The following PCGF3 variants were observed in gnomAD, a reference collection of about 807,000 sequenced individuals.
PCGF3 encodes the protein polycomb group ring finger 3.
PCGF3 carries 7 observed loss-of-function variants against 33.1 expected under a neutral mutation model. The ratio of observed to expected loss-of-function variants is 0.21; its 90% CI spans 0.12 to 0.40. The LOEUF is 0.40. Ranked by LOEUF, PCGF3 falls within the 10% of genes least tolerant of loss-of-function variation. The pLI, the probability that PCGF3 is intolerant of heterozygous loss-of-function variation, is 1.00. For missense variants in PCGF3, 211 were observed against 313.3 expected, an observed-to-expected ratio of 0.67 and a Z score of 2.46; for synonymous variants, 153 against 121.3, an observed-to-expected ratio of 1.26 and a Z score of -1.72.
intron 9 of PCGF3, chr4:761,958 C>T: frequency 1.0e-6 from 1 of 985,200 alleles, no homozygotes; most frequent in Non-Finnish European, 1.2e-6. Context: ...GAGCATGGGT[C>T]TGGTGTCGTT....
chr4:754,739 C>T (rs1252580389), intron 8 of PCGF3, among the ~76,000 whole-genome samples: 2 of 152,114 alleles, frequency 1.3e-5, no homozygotes, highest in Non-Finnish European at 1.5e-5. Flanking sequence ...TGGGATGCAG[C>T]CTGGCGTGGC....
At chr4:740,969 G>C (rs1744064664) in intron 6 of PCGF3, among the ~76,000 whole-genome samples, 1 of 152,238 alleles carries the variant, frequency 6.6e-6, no homozygotes, top group African/African-American at 2.4e-5. Context: ...GAGGAAAGGA[G>C]AAAAGGGGAC....
intron 1 of PCGF3, among the ~76,000 whole-genome samples, chr4:730,267 C>A (rs960997356): frequency 7.2e-5 from 11 of 152,170 alleles, no homozygotes; most frequent in Non-Finnish European, 1.5e-4. Flanking sequence ...TGAGGTCTTG[C>A]ATTTGCCCAG....
At chr4:744,602 G>A in exon 8 of PCGF3, 1 of 1,555,094 alleles carries the variant, frequency 6.4e-7, no homozygotes, top group Non-Finnish European at 8.7e-7. Flanking sequence ...GCTAAAAGGT[G>A]AAACCAAAGC....
At chr4:727,892 A>G (rs1348733274) in intron 1 of PCGF3, among the ~76,000 whole-genome samples, 1 of 152,216 alleles carries the variant, frequency 6.6e-6, no homozygotes, top group Non-Finnish European at 1.5e-5. Context: ...TGAGAAGAGT[A>G]TGAGACTGAA....
chr4:769,345 C>G lies in PCGF3; in HGVS notation c.*3266C>G, dbSNP rs1186915758. 2.6e-5 allele frequency: 4 copies of G among 152,758 alleles called. No homozygotes were observed. In the East Asian group the frequency reaches 7.7e-4, roughly 29 times the overall value. The allele number at this position is 152,758 out of a possible 1,614,324, so 9.5% of individuals were successfully genotyped here. ...GTTGGACGTTCTGGGTACAAGCCAA[C>G]CTAGTCCCACGTTGTACGTGAATGT... On this transcript the variant is annotated 3_prime_UTR_variant, in exon 11 of 11. Coordinates refer to ENST00000362003, the Ensembl canonical transcript of PCGF3.
At chr4:706,956 G>T (rs1435259095) in intron 1 of PCGF3, among the ~76,000 whole-genome samples, 2 of 141,828 alleles carry the variant, frequency 1.4e-5, no homozygotes, top group Non-Finnish European at 3.1e-5. Context: ...AGGCAGGACC[G>T]CGGGAGGGTA....
At chr4:765,480 C>T (rs764289400) in intron 10 of PCGF3, among the ~76,000 whole-genome samples, 1 of 151,680 alleles carries the variant, frequency 6.6e-6, no homozygotes, top group Non-Finnish European at 1.5e-5. Flanking sequence ...TGTTGTGAAA[C>T]ACAGTTCTGG....
At chr4:742,411 A>G (rs1488321825) in intron 6 of PCGF3, among the ~76,000 whole-genome samples, 2 of 152,122 alleles carry the variant, frequency 1.3e-5, no homozygotes, top group Non-Finnish European at 2.9e-5. Flanking sequence ...TAGGGAGGAA[A>G]TCGTGGATAA....
intron 6 of PCGF3, among the ~76,000 whole-genome samples, chr4:737,724 T>G (rs543653631): frequency 1.3e-5 from 2 of 152,312 alleles, no homozygotes; most frequent in Non-Finnish European, 2.9e-5. Context: ...TTTTTACCCC[T>G]TATGTGTATT....
intron 2 of PCGF3, 126 bp downstream of exon 2, chr4:730,794 A>G (rs575171947): frequency 2.6e-6 from 1 of 382,204 alleles, no homozygotes; most frequent in Non-Finnish European, 4.6e-6. Flanking sequence ...GGCTCTGAGG[A>G]CAGGCTGGAG....
At chr4:734,106 G>C in intron 4 of PCGF3, 1 of 1,550,684 alleles carries the variant, frequency 6.4e-7, no homozygotes, top group South Asian at 1.2e-5. Context: ...CAAATCTCCA[G>C]AGGAGTTCCT....
rs1577425137 is a variant in PCGF3, at chr4:744,453, G to A, written c.374-147G>A. ...AGACCCCTGCAGACACTTTGCGGAC[G>A]GCTTTCCTTTGACGCTTACTCCGCT... On this transcript the variant is annotated intron_variant, in intron 7 of 10. Transcript: ENST00000362003. The A allele has an allele frequency of 1.4e-5, 9 of 638,950 alleles. No individual in the cohort carries two copies. In the East Asian group the frequency reaches 2.5e-4, roughly 18 times the overall value. 39.6% of individuals were successfully genotyped at this position (638,950 alleles called of 1,614,324 possible).
intron 8 of PCGF3, among the ~76,000 whole-genome samples, chr4:751,749 C>A (rs1250081658): frequency 1.3e-5 from 2 of 152,262 alleles, no homozygotes; most frequent in Non-Finnish European, 2.9e-5. Context: ...CCTGGAGGCT[C>A]TGGCCCTCCC....
chr4:732,381 C>T (rs192330014), intron 3 of PCGF3: 78 of 158,076 alleles, frequency 4.9e-4, no homozygotes, highest in South Asian at 9.4e-4. Flanking sequence ...CCTTCCCCTC[C>T]CTCTCCCTTC....
intron 1 of PCGF3, among the ~76,000 whole-genome samples, chr4:708,344 C>T (rs1742423811): frequency 6.6e-6 from 1 of 152,138 alleles, no homozygotes; most frequent in Non-Finnish European, 1.5e-5. Flanking sequence ...AGCATGTAGG[C>T]CCCAAGACTG....
chr4:763,873 T>G (rs910174694), intron 9 of PCGF3, among the ~76,000 whole-genome samples: 1 of 152,140 alleles, frequency 6.6e-6, no homozygotes, highest in Non-Finnish European at 1.5e-5. Context: ...TATCCAGTAC[T>G]GAAAAGAAAT....
intron 8 of PCGF3, among the ~76,000 whole-genome samples, chr4:749,643 C>A (rs1325269831): frequency 1.3e-5 from 2 of 151,724 alleles, no homozygotes; most frequent in Non-Finnish European, 2.9e-5. Flanking sequence ...CACCCCACCA[C>A]ACCCGGCTAA....
chr4:761,827 G>C, intron 9 of PCGF3: 3 of 985,412 alleles, frequency 3.0e-6, no homozygotes, highest in Non-Finnish European at 3.6e-6. Context: ...GGCAGCGGGC[G>C]CACCATGAAC....
Sources: allele counts gnomAD v4.1 joint callset (sites outside exome capture counted in the v4.1 genomes callset), GRCh38; gene constraint gnomAD v4.1.1; transcripts MANE v1.5; gene names NCBI Gene and HGNC (gene_info 2026-07-23, HGNC 2026-07-21).